Variants in FOXP2 observed in about 807,000 individuals in gnomAD.
FOXP2 encodes forkhead box P2.
FOXP2 carries 12 observed loss-of-function variants against 115.8 expected under a neutral mutation model. The ratio of observed to expected loss-of-function variants is 0.10; its 90% CI spans 0.07 to 0.17. The LOEUF (loss-of-function observed/expected upper bound fraction) is 0.17. Ranked by LOEUF, FOXP2 falls within the 10% of genes least tolerant of loss-of-function variation. The probability of loss-of-function intolerance (pLI) is 1.00; values close to 1 mark genes in which losing one functional copy is unlikely to be tolerated. For missense variants in FOXP2, 629 were observed against 843.5 expected (o/e 0.75, Z 3.15); for synonymous variants, 328 against 297.7 (o/e 1.10, Z -1.05).
chr7:114,576,808 G>A (rs2129298984), intron 3 of FOXP2, among the ~76,000 whole-genome samples: 1 of 152,030 alleles, frequency 6.6e-6, no homozygotes, highest in Non-Finnish European at 1.5e-5. Flanking sequence ...ATCGCTTAAG[G>A]AAATGTGTAT....
chr7:114,545,740 C>G (rs1259424506), intron 3 of FOXP2, among the ~76,000 whole-genome samples: 3 of 152,110 alleles, frequency 2.0e-5, no homozygotes, highest in African/African-American at 7.2e-5. Context: ...GTTCATGTCT[C>G]CATGCAGCTG....
intron 5 of FOXP2, 30 bp from the exon 6 acceptor site, chr7:114,631,498 T>C: frequency 6.4e-7 from 1 of 1,553,000 alleles, no homozygotes; most frequent in Non-Finnish European, 8.7e-7. Context: ...TGTTCTCTGC[T>C]GTTTACTGGT....
chr7:114,432,570 A>C (rs1293775442), intron 2 of FOXP2, among the ~76,000 whole-genome samples: 1 of 151,974 alleles, frequency 6.6e-6, no homozygotes, highest in African/African-American at 2.4e-5. Context: ...TATTTGGTTA[A>C]AGACATTTCT....
intron 2 of FOXP2, among the ~76,000 whole-genome samples, chr7:114,380,029 G>A (rs910369092): frequency 4.6e-5 from 7 of 152,102 alleles, no homozygotes; most frequent in African/African-American, 1.7e-4. Flanking sequence ...CCCCATATTA[G>A]GGGTCCTTCT....
chr7:114,169,799 T>G (rs948053747), intron 1 of FOXP2, among the ~76,000 whole-genome samples: 59 of 152,140 alleles, frequency 3.9e-4, no homozygotes, highest in African/African-American at 1.2e-3. Context: ...TGGGAGATAA[T>G]TGAATCATGG....
intron 3 of FOXP2, among the ~76,000 whole-genome samples, chr7:114,611,172 C>G (rs1803607356): frequency 6.6e-6 from 1 of 152,166 alleles, no homozygotes; most frequent in Admixed American, 6.5e-5. Flanking sequence ...TATGTAAACT[C>G]ATTTGCCATA....
intron 2 of FOXP2, among the ~76,000 whole-genome samples, chr7:114,338,373 C>G (rs1259485052): frequency 6.6e-6 from 1 of 150,698 alleles, no homozygotes; most frequent in Non-Finnish European, 1.5e-5. Flanking sequence ...TTTTCAATAA[C>G]AAAATTTAAT....
intron 2 of FOXP2, among the ~76,000 whole-genome samples, chr7:114,433,298 A>G (rs1794194305): frequency 6.6e-6 from 1 of 152,004 alleles, no homozygotes; most frequent in South Asian, 2.1e-4. Flanking sequence ...ATTAGTTCAG[A>G]AATTAAAATG....
chr7:114,318,478 A>G (rs1797329718), intron 2 of FOXP2, among the ~76,000 whole-genome samples: 1 of 150,392 alleles, frequency 6.6e-6, no homozygotes, highest in Non-Finnish European at 1.5e-5. Flanking sequence ...ATTCTAGAAT[A>G]CAGACGTAGT....
intron 3 of FOXP2, among the ~76,000 whole-genome samples, chr7:114,585,368 A>C (rs1351679875): frequency 6.6e-6 from 1 of 152,154 alleles, no homozygotes; most frequent in African/African-American, 2.4e-5. Flanking sequence ...ATTAGTAAAA[A>C]TTAGAAACCA....
intron 2 of FOXP2, among the ~76,000 whole-genome samples, chr7:114,371,757 A>G (rs551294064): frequency 6.6e-6 from 1 of 152,272 alleles, no homozygotes; most frequent in South Asian, 2.1e-4. Context: ...CTACTAAATA[A>G]ATGTTTAAAC....
intron 1 of FOXP2, among the ~76,000 whole-genome samples, chr7:114,215,216 T>G (rs763743069): frequency 2.0e-5 from 3 of 152,158 alleles, no homozygotes; most frequent in Non-Finnish European, 4.4e-5. Context: ...CAAATACTTC[T>G]TTTGTTGTTT....
chr7:114,585,697 T>C (rs992596502), intron 3 of FOXP2, among the ~76,000 whole-genome samples: 1 of 152,004 alleles, frequency 6.6e-6, no homozygotes, highest in African/African-American at 2.4e-5. Flanking sequence ...AAACCCCGTC[T>C]CTACCAAAAA....
intron 1 of FOXP2, among the ~76,000 whole-genome samples, chr7:114,142,937 C>T (rs988585437): frequency 6.6e-6 from 1 of 151,806 alleles, no homozygotes; most frequent in African/African-American, 2.4e-5. Flanking sequence ...CGATTGAGTC[C>T]AGGGTTTCAA....
chr7:114,114,660 A>G (rs1306580799), intron 1 of FOXP2, among the ~76,000 whole-genome samples: 3 of 152,134 alleles, frequency 2.0e-5, no homozygotes, highest in Non-Finnish European at 1.5e-5. Context: ...CTTGGTTGGA[A>G]TGTAAAATAT....
At chr7:114,407,606 T>G (rs570671749) in intron 2 of FOXP2, among the ~76,000 whole-genome samples, 36 of 152,234 alleles carry the variant, frequency 2.4e-4, no homozygotes, top group East Asian at 2.3e-3. Context: ...TGAATAACCA[T>G]GTTAATACTT....
chr7:114,212,546 C>A (rs1794384229), intron 1 of FOXP2, among the ~76,000 whole-genome samples: 2 of 150,566 alleles, frequency 1.3e-5, no homozygotes. Flanking sequence ...GGCCAATAGA[C>A]ATGCTGAAAA....
chr7:114,143,262 A>G (rs1792275924), intron 1 of FOXP2, among the ~76,000 whole-genome samples: 1 of 151,806 alleles, frequency 6.6e-6, no homozygotes, highest in Non-Finnish European at 1.5e-5. Flanking sequence ...GCTTTTTACC[A>G]TTTTGAAATA....
At chr7:114,531,830 G>A (rs1043670390) in intron 2 of FOXP2, among the ~76,000 whole-genome samples, 13 of 151,888 alleles carry the variant, frequency 8.6e-5, no homozygotes, top group Non-Finnish European at 1.5e-4. Flanking sequence ...GTAGGTGTAT[G>A]CTTTTGACTA....
Sources: gnomAD v4.1 joint callset for allele counts (sites outside exome capture counted in the v4.1 genomes callset) on GRCh38, gnomAD v4.1.1 for gene constraint, MANE v1.5 for transcripts, NCBI Gene and HGNC (gene_info 2026-07-23, HGNC 2026-07-21) for gene names.